Variants in CAMSAP2 observed in about 807,000 individuals in gnomAD.
The protein encoded by CAMSAP2 is calmodulin regulated spectrin associated protein family member 2.
CAMSAP2 carries 26 observed loss-of-function variants against 146.1 expected under a neutral mutation model. The observed-to-expected ratio is 0.18, with a 90% CI of 0.13 to 0.25. CAMSAP2 has a LOEUF of 0.25. Among genes scored for constraint, CAMSAP2 ranks in the 10% least tolerant of loss-of-function variants. CAMSAP2 has a pLI of 1.00. For synonymous variants in CAMSAP2, 499 were observed against 596.6 expected (o/e 0.84, Z 2.38); for missense variants, 1,381 against 1,759.3 (o/e 0.78, Z 3.85).
intron 2 of CAMSAP2, 95 bp from the exon 3 acceptor site, chr1:200,807,281 T>A: frequency 1.1e-6 from 1 of 934,986 alleles, no homozygotes; most frequent in Non-Finnish European, 1.5e-6. Context: ...GTTATTCTGC[T>A]GCTTGTTAGG....
intron 1 of CAMSAP2, among the ~76,000 whole-genome samples, chr1:200,749,204 C>T (rs561441294): frequency 3.9e-5 from 6 of 152,302 alleles, no homozygotes; most frequent in African/African-American, 1.4e-4. Context: ...AGTGTGGTCA[C>T]CAGGACCAGA....
intron 2 of CAMSAP2, among the ~76,000 whole-genome samples, chr1:200,781,879 G>GT (rs922407370): frequency 2.0e-5 from 3 of 151,842 alleles, no homozygotes; most frequent in Non-Finnish European, 2.9e-5. Flanking sequence ...GATAGTTACT[G>GT]TTTTTTTCCT....
chr1:200,807,563 T>A (rs1666212395), intron 3 of CAMSAP2, 26 bp downstream of exon 3: 2 of 1,467,198 alleles, frequency 1.4e-6, no homozygotes, highest in Admixed American at 4.4e-5. Context: ...CTTGAGTAAA[T>A]CGCATCTCAT....
At chr1:200,845,877 G>A (rs1277697323) in intron 8 of CAMSAP2, among the ~76,000 whole-genome samples, 2 of 152,084 alleles carry the variant, frequency 1.3e-5, no homozygotes, top group Non-Finnish European at 2.9e-5. Flanking sequence ...AAGTAAAAAT[G>A]TCCTATCATA....
intron 4 of CAMSAP2, among the ~76,000 whole-genome samples, chr1:200,823,307 T>C (rs1666822455): frequency 6.6e-6 from 1 of 152,206 alleles, no homozygotes; most frequent in African/African-American, 2.4e-5. Flanking sequence ...TTAAAATTAT[T>C]ACAGAATTAT....
At chr1:200,781,649 C>T (rs909782339) in intron 2 of CAMSAP2, among the ~76,000 whole-genome samples, 5 of 152,050 alleles carry the variant, frequency 3.3e-5, no homozygotes, top group African/African-American at 1.2e-4. Context: ...TCAGGTGATC[C>T]TCCTACCTCA....
At chr1:200,766,277 G>A (rs1210798372) in intron 2 of CAMSAP2, among the ~76,000 whole-genome samples, 1 of 151,654 alleles carries the variant, frequency 6.6e-6, no homozygotes, top group Non-Finnish European at 1.5e-5. Context: ...CTGGGTAGCT[G>A]GGTCTGCAGA....
At chr1:200,839,229 T>C (rs569541377) in intron 6 of CAMSAP2, among the ~76,000 whole-genome samples, 1 of 152,314 alleles carries the variant, frequency 6.6e-6, no homozygotes, top group South Asian at 2.1e-4. Flanking sequence ...GCAACATATG[T>C]ACATCATTGG....
At position 200,768,608 on chromosome 1, in the gene CAMSAP2, G is replaced by A. The variant is rs1359700467; in HGVS notation, c.399+7510G>A. Among the ~76,000 whole-genome samples, 5 of 152,102 alleles carry A rather than the reference G, an allele frequency of 3.3e-5. No homozygotes were observed. In the East Asian group the frequency reaches 9.7e-4, roughly 29 times the overall value. On this transcript the variant is annotated intron_variant, in intron 2 of 16. Transcript: ENST00000358823. ...AATAGCTGGAGGCCTGAACTAAGGT[G>A]CAGGCCATGAAGATTTATTAGTAGG...
intron 4 of CAMSAP2, among the ~76,000 whole-genome samples, chr1:200,827,230 C>T (rs557802265): frequency 6.7e-4 from 102 of 152,294 alleles, no homozygotes; most frequent in African/African-American, 2.4e-3. Context: ...GAATTAGTAA[C>T]AAAATCCAAT....
chr1:200,760,880 C>G lies in CAMSAP2; in HGVS notation c.181C>G (p.Gln61Glu), dbSNP rs2103001687. 6.2e-7 allele frequency: 1 copy of G among 1,613,942 alleles called. No individual in the cohort carries two copies. Among genetic ancestry groups the G allele is most frequent in the Non-Finnish European group, 8.5e-7 (1 of 1,179,864 alleles). ...EELQEPFYTDQYDQEHIKPPV... is the reference protein window; with the variant it reads ...EELQEPFYTDEYDQEHIKPPV... ...ACTTCAAGAACCATTTTACACAGAT[C>G]AGTATGACCAGGAACACATCAAACC... Residue 61 changes from glutamine to glutamate, a missense_variant, in exon 2 of 17, where the codon CAG becomes GAG. Physicochemically the swap from Gln to Glu is conservative, Grantham distance 29. This residue lies in a region of CAMSAP2 where 284 missense variants were observed against 406.9 expected (regional missense o/e 0.70). Transcript: ENST00000358823.
rs760626372 is a variant in CAMSAP2 at position 200,847,643 on chromosome 1, G to T, written c.1196G>T (p.Gly399Val). Residue 399 changes from glycine (G) to valine (V), a missense_variant, in exon 10 of 17, where the codon GGA (glycine) becomes GTA (valine). This residue lies in a region of CAMSAP2 where 447 missense variants were observed against 462.2 expected (regional missense o/e 0.97). Coordinates refer to ENST00000358823, the MANE Select transcript of CAMSAP2 (RefSeq NM_203459.4). ...TTTTTCTTTTTTGCATTTGAAGGAG[G>T]AATTAGAAGGTCTTCATCTATGTCT... ...RPQAHSSASG[G>V]IRRSSSMSYV... 6.2e-7 allele frequency: 1 copy of T among 1,609,454 alleles called. No homozygotes were observed. Among genetic ancestry groups the T allele is most frequent in the South Asian group, 1.1e-5 (1 of 89,968 alleles).
chr1:200,813,263 A>C (rs535298896), intron 3 of CAMSAP2, among the ~76,000 whole-genome samples: 2 of 152,336 alleles, frequency 1.3e-5, no homozygotes, highest in South Asian at 4.1e-4. Context: ...CCCCATATGC[A>C]AGGGCAGAGC....
Position 200,832,690 on chromosome 1 carries a change from C to A in CAMSAP2, c.788-16C>A. 4 of 1,584,314 alleles carry A rather than the reference C, an allele frequency of 2.5e-6. No homozygotes were observed. The highest frequency in any genetic ancestry group is 3.4e-6 in the Non-Finnish European group (4 of 1,166,830). ...ATTAATCCAAAGTCACCACCTTGCT[C>A]TTTTCTTATTTGAAGATATTTGTTT... On this transcript the variant is annotated splice_polypyrimidine_tract_variant and intron_variant, in intron 5 of 16. Coordinates refer to ENST00000358823, the MANE Select transcript of CAMSAP2 (RefSeq NM_203459.4). This position sits in a 1 kb window ranked among gnomAD's most constrained non-coding sequence, Gnocchi z 4.2.
At chr1:200,772,324 G>A (rs144471531) in intron 2 of CAMSAP2, among the ~76,000 whole-genome samples, 3 of 152,174 alleles carry the variant, frequency 2.0e-5, no homozygotes, top group Non-Finnish European at 4.4e-5. Context: ...AAATACTAAT[G>A]TAGGCTGGGC....
At chr1:200,751,692 T>TTCCCTGGCTAC (rs1484212963) in intron 1 of CAMSAP2, among the ~76,000 whole-genome samples, 9 of 152,254 alleles carry the variant, frequency 5.9e-5, no homozygotes, top group Non-Finnish European at 1.2e-4. Flanking sequence ...GTCAAAAGCT[T>TTCCCTGGCTAC]TCCCTGGCTA....
At chr1:200,830,999 T>A (rs986943625) in intron 4 of CAMSAP2, among the ~76,000 whole-genome samples, 7 of 152,348 alleles carry the variant, frequency 4.6e-5, no homozygotes, top group African/African-American at 1.7e-4. Context: ...TGTTGTGTTC[T>A]CTTTCAGTAA....
chr1:200,754,325 G>A lies in CAMSAP2; in HGVS notation c.140-6514G>A, dbSNP rs1664588006. Among the ~76,000 whole-genome samples the A allele has an allele frequency of 2.0e-5, 3 of 152,230 alleles. No homozygotes were observed. The South Asian group carries it at 6.2e-4, about 32-fold the overall frequency. On this transcript the variant is annotated intron_variant, in intron 1 of 16. Coordinates refer to ENST00000358823, the MANE Select transcript of CAMSAP2 (RefSeq NM_203459.4). ...CAGGGGACACATAATGTTTGTTCCA[G>A]TATAGGTGATGTTAACTTTGATCAC...
intron 2 of CAMSAP2, among the ~76,000 whole-genome samples, chr1:200,766,596 A>G (rs1664959169): frequency 6.6e-6 from 1 of 152,244 alleles, no homozygotes; most frequent in South Asian, 2.1e-4. Context: ...GAGCAAGTAT[A>G]GTTAAGTAGT....
Sources: gnomAD v4.1 joint callset for allele counts (sites outside exome capture counted in the v4.1 genomes callset) on GRCh38, gnomAD v4.1.1 for gene constraint, gnomAD v4.1.1 regional missense constraint, Gnocchi (gnomAD v3.1) non-coding constraint, MANE v1.5 for transcripts, NCBI Gene and HGNC (gene_info 2026-07-23, HGNC 2026-07-21) for gene names.